The following R3HDM2 variants were observed in gnomAD, a reference collection of about 807,000 sequenced individuals.
R3HDM2 encodes R3H domain containing 2.
A neutral mutation model predicts 124.5 loss-of-function variants in R3HDM2; 38 were observed. That is an observed-to-expected ratio of 0.31 (90% CI 0.24 to 0.40). The LOEUF (loss-of-function observed/expected upper bound fraction) is 0.40, where lower values mean the gene tolerates loss of function less well. Among genes scored for constraint, R3HDM2 ranks in the 10% least tolerant of loss-of-function variants. The pLI, the probability that R3HDM2 is intolerant of heterozygous loss-of-function variation, is 1.00. For synonymous variants in R3HDM2, 391 were observed against 448.0 expected (o/e 0.87, Z 1.61); for missense variants, 869 against 1,236.9 (o/e 0.70, Z 4.46).
chr12:57,393,584 C>A (rs1442038053), intron 2 of R3HDM2, among the ~76,000 whole-genome samples: 1 of 152,138 alleles, frequency 6.6e-6, no homozygotes, highest in African/African-American at 2.4e-5. Flanking sequence ...ACCTGTGGGA[C>A]ACCATCAAGC....
chr12:57,309,983 AG>A (rs1241567652), intron 3 of R3HDM2, among the ~76,000 whole-genome samples: 6 of 152,216 alleles, frequency 3.9e-5, no homozygotes, highest in Non-Finnish European at 1.5e-5. Flanking sequence ...AGGCAAAGAC[AG>A]GAGAATCATT....
chr12:57,404,418 C>T (rs1282399017), intron 1 of R3HDM2, among the ~76,000 whole-genome samples: 3 of 151,314 alleles, frequency 2.0e-5, no homozygotes, highest in African/African-American at 7.3e-5. Flanking sequence ...AGGTATCTAG[C>T]CAGGCACAGT....
At chr12:57,368,101 T>C (rs553699523) in intron 2 of R3HDM2, among the ~76,000 whole-genome samples, 38 of 152,074 alleles carry the variant, frequency 2.5e-4, no homozygotes, top group Non-Finnish European at 4.9e-4. Flanking sequence ...GTAATCTATC[T>C]TTAAGAATTC....
chr12:57,415,115 T>C (rs1172383047), intron 1 of R3HDM2, among the ~76,000 whole-genome samples: 3 of 152,178 alleles, frequency 2.0e-5, no homozygotes, highest in Admixed American at 1.3e-4. Flanking sequence ...ATGAATATTA[T>C]TGGTACTTTT....
Position 57,299,427 on chromosome 12 carries a change from A to G in R3HDM2, c.346T>C (p.Ser116Pro). The change falls in exon 6 of 24, where the codon TCC becomes CCC. Residue 116 changes from serine (S) to proline (P), a missense_variant. Physicochemically the swap from Ser to Pro is moderately conservative, Grantham distance 74. Coordinates refer to ENST00000402412, the MANE Select transcript of R3HDM2 (RefSeq NM_001394031.1). Reference sequence around the variant, plus strand: ...TCCTTTTCAGAGACATCTTTTGTGGACTTTTCTTCCTCCTTGTCAGAAGGG... The same window carrying G: ...TCCTTTTCAGAGACATCTTTTGTGGGCTTTTCTTCCTCCTTGTCAGAAGGG... ...SCPSDKEEEK[S>P]TKDVSEKEDK... 4 of 1,544,070 alleles carry G rather than the reference A, an allele frequency of 2.6e-6. No homozygotes were observed. Among genetic ancestry groups the G allele is most frequent in the Non-Finnish European group, 3.5e-6 (4 of 1,139,930 alleles).
intron 10 of R3HDM2, among the ~76,000 whole-genome samples, chr12:57,293,380 G>C (rs371958646): frequency 2.0e-5 from 3 of 152,130 alleles, no homozygotes; most frequent in East Asian, 3.9e-4. Flanking sequence ...GAGAAAGGAA[G>C]AGAAGTAAGG....
chr12:57,318,466 T>A (rs989916599), intron 2 of R3HDM2, among the ~76,000 whole-genome samples: 4 of 151,722 alleles, frequency 2.6e-5, no homozygotes, highest in African/African-American at 9.7e-5. Flanking sequence ...CTGGTCAACA[T>A]AGTGAAACCC....
intron 14 of R3HDM2, among the ~76,000 whole-genome samples, chr12:57,271,271 G>A (rs1046229535): frequency 2.6e-5 from 4 of 152,168 alleles, no homozygotes; most frequent in African/African-American, 9.7e-5. Flanking sequence ...GGAGGGCAGA[G>A]TGAGTGGCTA....
At chr12:57,272,451 A>G in intron 14 of R3HDM2, 1 of 1,547,960 alleles carries the variant, frequency 6.5e-7, no homozygotes, top group Non-Finnish European at 8.7e-7. Context: ...TGGAGTTTAT[A>G]CCATGTTGTA....
chr12:57,406,276 G>A (rs368550322), intron 1 of R3HDM2, among the ~76,000 whole-genome samples: 9 of 143,220 alleles, frequency 6.3e-5, no homozygotes, highest in East Asian at 6.2e-4. Flanking sequence ...AGCCGAGATC[G>A]CACCACTGCA....
At chr12:57,303,328 G>T in intron 3 of R3HDM2, 111 bp from the exon 4 acceptor site, 1 of 952,726 alleles carries the variant, frequency 1.0e-6, no homozygotes, top group African/African-American at 1.6e-5. Flanking sequence ...CATTACAACA[G>T]CCAAACTATG....
In R3HDM2 at chr12:57,253,891, G is replaced by A. The variant is rs2038151473; in HGVS notation, c.*882C>T. The A allele has an allele frequency of 4.3e-6, 1 of 232,790 alleles. No homozygotes were observed. The highest frequency in any genetic ancestry group is 8.4e-6 in the Non-Finnish European group (1 of 118,940). 14.4% of individuals were successfully genotyped at this position (232,790 alleles called of 1,614,324 possible). A position where few individuals can be genotyped will look rare whatever the true frequency, so the allele number is the denominator to read the frequency against. Reference sequence around the variant, plus strand: ...ATATACCCAGCAAACATCTGTATGTGCAATTAAATACTGTGTCTGTTACTG... The same window carrying A: ...ATATACCCAGCAAACATCTGTATGTACAATTAAATACTGTGTCTGTTACTG... On this transcript the variant is annotated 3_prime_UTR_variant, in exon 24 of 24. Coordinates refer to ENST00000402412, the MANE Select transcript of R3HDM2 (RefSeq NM_001394031.1).
intron 2 of R3HDM2, among the ~76,000 whole-genome samples, chr12:57,351,491 T>C (rs957894039): frequency 6.6e-6 from 1 of 152,218 alleles, no homozygotes; most frequent in Admixed American, 6.5e-5. Context: ...GCCATTTCTA[T>C]AGCATGTAGC....
At chr12:57,267,961 A>G (rs1057264019) in intron 18 of R3HDM2, among the ~76,000 whole-genome samples, 4 of 152,252 alleles carry the variant, frequency 2.6e-5, no homozygotes, top group African/African-American at 9.6e-5. Flanking sequence ...ACAGAGGTAC[A>G]CGGAAAAATT....
At chr12:57,292,529 A>C in intron 11 of R3HDM2, 43 bp downstream of exon 11, 1 of 1,320,026 alleles carries the variant, frequency 7.6e-7, no homozygotes, top group Non-Finnish European at 1.1e-6. Flanking sequence ...AATGATTAAG[A>C]GCTAAAAGCT....
intron 1 of R3HDM2, among the ~76,000 whole-genome samples, chr12:57,407,043 T>C (rs2139175919): frequency 6.6e-6 from 1 of 152,054 alleles, no homozygotes; most frequent in East Asian, 1.9e-4. Context: ...GCGGTCAGAA[T>C]TTCGAGACCA....
rs578192602 is a variant in R3HDM2 at position 57,326,195 on chromosome 12, T to C, written c.-35-15732A>G. ...CCCTATTCACTGAGATGTAACAATA[T>C]TGAAATTAGGCCAATTAATAACTCT... is the stretch of plus-strand genomic sequence containing the variant. On this transcript the variant is annotated intron_variant, in intron 2 of 23. Coordinates refer to ENST00000402412, the MANE Select transcript of R3HDM2 (RefSeq NM_001394031.1). Among the ~76,000 whole-genome samples, 13 of 152,302 alleles carry C rather than the reference T, an allele frequency of 8.5e-5. No individual in the cohort carries two copies. In the East Asian group the frequency reaches 1.9e-3, roughly 23 times the overall value.
At chr12:57,370,581 G>A (rs1487817303) in intron 2 of R3HDM2, among the ~76,000 whole-genome samples, 8 of 152,042 alleles carry the variant, frequency 5.3e-5, no homozygotes, top group Middle Eastern at 3.4e-3. Flanking sequence ...TGGAGGTTGC[G>A]GTGAGCCAAG....
rs773698903 is a variant in R3HDM2 at position 57,268,905 on chromosome 12, A to G, written c.1875+17T>C. 26 of 1,612,332 alleles carry G rather than the reference A, an allele frequency of 1.6e-5. No homozygotes were observed. Among genetic ancestry groups the G allele is most frequent in the East Asian group, 2.2e-5 (1 of 44,856 alleles). ...CCAAGGACTGGGGTGATCCTTCCCAATGCAGAATGCACCCACTTGGTAAGA... is the reference window on the plus strand; with the variant it reads ...CCAAGGACTGGGGTGATCCTTCCCAGTGCAGAATGCACCCACTTGGTAAGA... On this transcript the variant is annotated intron_variant, in intron 17 of 23. Coordinates refer to ENST00000402412, the MANE Select transcript of R3HDM2 (RefSeq NM_001394031.1).
Sources: allele counts gnomAD v4.1 joint callset (sites outside exome capture counted in the v4.1 genomes callset), GRCh38; gene constraint gnomAD v4.1.1; transcripts MANE v1.5; gene names NCBI Gene and HGNC (gene_info 2026-07-23, HGNC 2026-07-21).